Variants in LINC00632 observed in about 807,000 individuals in gnomAD.
The protein encoded by LINC00632 is ALDOA related specific transcript.
chrX:140,764,400 A>G (rs1056214819), intron 3 of LINC00632, among the ~76,000 whole-genome samples: 13 of 108,893 alleles, frequency 1.2e-4, no homozygotes, highest in Non-Finnish European at 1.9e-5. Context: ...GGTGTAACTG[A>G]GGAAGAGTCC....
chrX:140,727,584 C>T (rs748568341), intron 2 of LINC00632, among the ~76,000 whole-genome samples: 30 of 111,703 alleles, frequency 2.7e-4, no homozygotes, highest in South Asian at 1.9e-3. Flanking sequence ...TGAGCCACCA[C>T]GCCCGACCGT....
At chrX:140,733,239 C>T (rs995782017) in intron 2 of LINC00632, among the ~76,000 whole-genome samples, 1 of 112,708 alleles carries the variant, frequency 8.9e-6, no homozygotes, top group South Asian at 3.6e-4. Flanking sequence ...CGTGCACATG[C>T]GCTTTCGCGT....
At chrX:140,762,242 A>AGGGAGAGAGAGAGAGAGC (rs1286418753) in intron 3 of LINC00632, among the ~76,000 whole-genome samples, 1 of 99,793 alleles carries the variant, frequency 1.0e-5, no homozygotes, top group Admixed American at 1.1e-4. Context: ...AGAGAGAGAG[A>AGGGAGAGAGAGAGAGAGC]GCACTCTTAT....
At chrX:140,712,742 C>G (rs1387400570) in intron 2 of LINC00632, among the ~76,000 whole-genome samples, 6 of 109,881 alleles carry the variant, frequency 5.5e-5, no homozygotes, top group South Asian at 3.9e-4. Flanking sequence ...CCAGAGAAAT[C>G]TGACAATTAA....
intron 3 of LINC00632, among the ~76,000 whole-genome samples, chrX:140,768,650 T>A (rs903268893): frequency 2.1e-4 from 7 of 32,911 alleles, no homozygotes; most frequent in Non-Finnish European, 7.0e-4. Context: ...AATATATTTA[T>A]TATATATAAT....
At chrX:140,737,495 T>C (rs959362913) in intron 3 of LINC00632, among the ~76,000 whole-genome samples, 6 of 111,473 alleles carry the variant, frequency 5.4e-5, no homozygotes, top group Non-Finnish European at 1.1e-4. Context: ...CTAGCCATTC[T>C]GAAAAACACA....
At chrX:140,742,839 T>G (rs866200031) in intron 3 of LINC00632, among the ~76,000 whole-genome samples, 51 of 46,854 alleles carry the variant, frequency 1.1e-3, no homozygotes, top group African/African-American at 1.6e-3. Context: ...TAGAAGGTGA[T>G]AGAGAGAGAG....
exon 5 of LINC00632, among the ~76,000 whole-genome samples, chrX:140,774,817 A>C (rs1466854034): frequency 1.8e-5 from 2 of 111,417 alleles, no homozygotes; most frequent in Non-Finnish European, 3.8e-5. Context: ...TTTCCTAAAA[A>C]GTCTTAAATT....
exon 5 of LINC00632, among the ~76,000 whole-genome samples, chrX:140,775,225 T>C (rs1931856826): frequency 8.9e-6 from 1 of 112,088 alleles, no homozygotes; most frequent in Non-Finnish European, 1.9e-5. Context: ...TCTCTGATGG[T>C]GATGGAGACT....
intron 3 of LINC00632, among the ~76,000 whole-genome samples, chrX:140,766,040 A>T (rs1447490894): frequency 8.9e-6 from 1 of 111,835 alleles, no homozygotes; most frequent in African/African-American, 3.2e-5. Flanking sequence ...CTGGCCTGCT[A>T]AACAGAGTTT....
chrX:140,761,251 C>G (rs1259757849), intron 3 of LINC00632, among the ~76,000 whole-genome samples: 1 of 112,596 alleles, frequency 8.9e-6, no homozygotes, highest in Non-Finnish European at 1.9e-5. Flanking sequence ...TCAGTGTAAA[C>G]ATGACTCTTT....
At chrX:140,733,356 A>G (rs1931090541) in intron 2 of LINC00632, among the ~76,000 whole-genome samples, 1 of 111,960 alleles carries the variant, frequency 8.9e-6, no homozygotes, top group Non-Finnish European at 1.9e-5. Context: ...CTGAAATGTC[A>G]AACTGTAATA....
chrX:140,783,724 T>A (rs1376251338), exon 5 of LINC00632: 2 of 1,210,158 alleles, frequency 1.7e-6, no homozygotes, highest in Non-Finnish European at 2.2e-6. Context: ...GGTCTTCCAG[T>A]CAATCCACAT....
chrX:140,742,501 T>C (rs1931239252), intron 3 of LINC00632, among the ~76,000 whole-genome samples: 1 of 111,392 alleles, frequency 9.0e-6, no homozygotes, highest in South Asian at 3.8e-4. Context: ...AGAAACACTT[T>C]TATTTTTCCT....
exon 5 of LINC00632, among the ~76,000 whole-genome samples, chrX:140,775,398 C>T (rs1004607439): frequency 9.8e-5 from 11 of 112,180 alleles, no homozygotes; most frequent in Admixed American, 7.6e-4. Flanking sequence ...GCCAGAGATA[C>T]GACGCTGTTA....
At chrX:140,773,210 AG>A (rs1192004221) in exon 4 of LINC00632, among the ~76,000 whole-genome samples, 1 of 106,494 alleles carries the variant, frequency 9.4e-6, no homozygotes, top group African/African-American at 3.8e-5. Flanking sequence ...AGAAGAAAGA[AG>A]AGAAGAGAAG....
chrX:140,737,431 A>G (rs1931162207), intron 3 of LINC00632, among the ~76,000 whole-genome samples: 1 of 111,655 alleles, frequency 9.0e-6, no homozygotes, highest in Admixed American at 9.6e-5. Flanking sequence ...TAGGGTAGCT[A>G]TCACCTGAGT....
At chrX:140,753,488 C>T (rs1200038342) in intron 3 of LINC00632, among the ~76,000 whole-genome samples, 1 of 110,937 alleles carries the variant, frequency 9.0e-6, no homozygotes, top group African/African-American at 3.3e-5. Context: ...TGGAAGAGTG[C>T]CTTAGCTTCT....
chrX:140,717,410 T>C (rs940836958), intron 2 of LINC00632, among the ~76,000 whole-genome samples: 1 of 110,554 alleles, frequency 9.0e-6, no homozygotes, highest in South Asian at 3.9e-4. Context: ...CCACACAGAT[T>C]TGCTCTGTAA....
Sources: allele counts gnomAD v4.1 joint callset (sites outside exome capture counted in the v4.1 genomes callset), GRCh38; gene constraint gnomAD v4.1.1; transcripts MANE v1.5; gene names NCBI Gene and HGNC (gene_info 2026-07-23, HGNC 2026-07-21).